PCBP3: variants seen among roughly 807,000 people sequenced by gnomAD.
PCBP3 encodes poly(rC) binding protein 3.
A neutral mutation model predicts 52.7 loss-of-function variants in PCBP3; 25 were observed. The observed-to-expected ratio is 0.47, with a 90% confidence interval of 0.35 to 0.66. The LOEUF is 0.66. PCBP3 is among the 30% of genes least tolerant of loss of function. The pLI is 0.01. For missense variants in PCBP3, 391 were observed against 490.3 expected, an observed-to-expected ratio of 0.80 and a Z score of 1.91; for synonymous variants, 162 against 183.0, an observed-to-expected ratio of 0.89 and a Z score of 0.93.
At chr21:45,689,081 TA>T (rs1415436012) in intron 2 of PCBP3, among the ~76,000 whole-genome samples, 1 of 152,052 alleles carries the variant, frequency 6.6e-6, no homozygotes, top group Non-Finnish European at 1.5e-5. Context: ...TTTATTTAAT[TA>T]GGCCAGCTTT....
At chr21:45,812,682 A>G (rs962001566) in intron 4 of PCBP3, among the ~76,000 whole-genome samples, 7 of 152,186 alleles carry the variant, frequency 4.6e-5, no homozygotes, top group Non-Finnish European at 8.8e-5. Context: ...GTGAGCCACC[A>G]TGCCCGGCTG....
intron 4 of PCBP3, among the ~76,000 whole-genome samples, chr21:45,765,236 G>A (rs1047690325): frequency 6.6e-6 from 1 of 152,180 alleles, no homozygotes; most frequent in African/African-American, 2.4e-5. Flanking sequence ...CCCTCCAGGG[G>A]TGCCAGGATA....
chr21:45,941,020 T>C (rs2077410276), intron 17 of PCBP3, among the ~76,000 whole-genome samples: 1 of 152,172 alleles, frequency 6.6e-6, no homozygotes, highest in African/African-American at 2.4e-5. Flanking sequence ...GTGACCCTTC[T>C]CTTACCTGCA....
At chr21:45,818,361 G>C (rs1280386597) in intron 4 of PCBP3, among the ~76,000 whole-genome samples, 1 of 152,080 alleles carries the variant, frequency 6.6e-6, no homozygotes, top group East Asian at 1.9e-4. Flanking sequence ...TTGCATTGGG[G>C]CTCACTGTGT....
chr21:45,930,825 A>T lies in PCBP3; in HGVS notation c.836A>T (p.Asn279Ile), dbSNP rs771054888. Reference sequence around the variant, plus strand: ...TTACACTCCTCCGAAGAAGCTCAAAATCTGATGGGCCAGTCATCAGGTAAC... The same window carrying T: ...TTACACTCCTCCGAAGAAGCTCAAATTCTGATGGGCCAGTCATCAGGTAAC... ...LPLHSSEEAQ[N>I]LMGQSSGLDA... Residue 279 changes from asparagine to isoleucine, a missense_variant, in exon 15 of 18, where the codon AAT becomes ATT. Physicochemically the swap from Asn to Ile is moderately radical, Grantham distance 149. Coordinates refer to ENST00000681687, the MANE Select transcript of PCBP3 (RefSeq NM_001384156.1). 30 of 1,601,354 alleles carry T rather than the reference A, an allele frequency of 1.9e-5. No homozygotes were observed. Among genetic ancestry groups the T allele is most frequent in the South Asian group, 1.2e-4 (11 of 90,892 alleles).
In PCBP3 at chr21:45,662,271, G is replaced by GTTTTTTTTT. The variant is rs59220095; in HGVS notation, c.-278-6581_-278-6573dup. On this transcript the variant is annotated intron_variant, in intron 1 of 17. Transcript: ENST00000681687. ...TACAGGTATGTGCCAATATACCTAAGTTTTTTTTTTTTTTTTTTTTTTTTT... is the reference window on the plus strand; with the variant it reads ...TACAGGTATGTGCCAATATACCTAAGTTTTTTTTTTTTTTTTTTTTTTTTTTTTTTTTTT... Among the ~76,000 whole-genome samples the GTTTTTTTTT allele has an allele frequency of 5.1e-5, 5 of 97,274 alleles. 1 individual carries two copies. Among genetic ancestry groups the GTTTTTTTTT allele is most frequent in the African/African-American group, 9.4e-5 (2 of 21,274 alleles). 63.8% of individuals were successfully genotyped at this position (97,274 alleles called of 152,430 possible). A position where few individuals can be genotyped will look rare whatever the true frequency, so the allele number is the denominator to read the frequency against.
chr21:45,721,282 G>A (rs1335456747), intron 2 of PCBP3, among the ~76,000 whole-genome samples: 2 of 151,932 alleles, frequency 1.3e-5, no homozygotes, highest in Admixed American at 1.3e-4. Context: ...GCATGGTGGC[G>A]GGTGCCTGTA....
At chr21:45,867,404 G>A (rs1306836304) in intron 5 of PCBP3, among the ~76,000 whole-genome samples, 1 of 152,258 alleles carries the variant, frequency 6.6e-6, no homozygotes, top group Non-Finnish European at 1.5e-5. Flanking sequence ...GTAGTCACCA[G>A]CATACAGGAC....
intron 5 of PCBP3, among the ~76,000 whole-genome samples, chr21:45,867,282 C>G (rs948560902): frequency 6.6e-6 from 1 of 152,226 alleles, no homozygotes; most frequent in Non-Finnish European, 1.5e-5. Flanking sequence ...CAACATCGCT[C>G]GCAGGACAGC....
intron 9 of PCBP3, among the ~76,000 whole-genome samples, chr21:45,907,769 T>C (rs1603484502): frequency 6.6e-6 from 1 of 151,784 alleles, no homozygotes; most frequent in African/African-American, 2.4e-5. Flanking sequence ...GGGATGGGTT[T>C]TTACAGGCAG....
At chr21:45,745,031 C>G (rs1250897569) in intron 3 of PCBP3, among the ~76,000 whole-genome samples, 1 of 152,092 alleles carries the variant, frequency 6.6e-6, no homozygotes, top group African/African-American at 2.4e-5. Context: ...GTAGGCATGT[C>G]ACAGGCTGTC....
chr21:45,884,892 T>C (rs534616112), intron 5 of PCBP3, among the ~76,000 whole-genome samples: 140 of 152,370 alleles, frequency 9.2e-4, no homozygotes, highest in African/African-American at 3.2e-3. Context: ...GCTTTAAATA[T>C]TTCCTAAGCA....
At chr21:45,668,991 G>A (rs895811811) in intron 2 of PCBP3, 39 bp downstream of exon 2, 4 of 152,084 alleles carry the variant, frequency 2.6e-5, no homozygotes, top group African/African-American at 9.7e-5. Flanking sequence ...ATTATCCTTA[G>A]GTTTCTGTGG....
At chr21:45,847,980 C>G (rs1330471271) in intron 4 of PCBP3, among the ~76,000 whole-genome samples, 1 of 152,222 alleles carries the variant, frequency 6.6e-6, no homozygotes, top group East Asian at 1.9e-4. Flanking sequence ...CTGGCAGCTT[C>G]TCTGCGCGTC....
chr21:45,921,365 T>C (rs963790726), intron 13 of PCBP3, among the ~76,000 whole-genome samples: 3 of 152,224 alleles, frequency 2.0e-5, no homozygotes, highest in Non-Finnish European at 4.4e-5. Context: ...TTGACCTGGA[T>C]GTGTGGGCCC....
At chr21:45,700,134 G>C (rs1440560031) in intron 2 of PCBP3, among the ~76,000 whole-genome samples, 1 of 152,190 alleles carries the variant, frequency 6.6e-6, no homozygotes, top group Non-Finnish European at 1.5e-5. Flanking sequence ...GGGAGGCTCT[G>C]CAATAGCAGG....
chr21:45,877,016 G>A (rs935630724), intron 5 of PCBP3, among the ~76,000 whole-genome samples: 2 of 152,238 alleles, frequency 1.3e-5, no homozygotes, highest in African/African-American at 4.8e-5. Flanking sequence ...CTGTGTGACC[G>A]CCCTTCTACA....
chr21:45,898,530 CCCCTCTACACACTGTCCTCCCAGCCT>C (rs879366174), intron 6 of PCBP3, among the ~76,000 whole-genome samples: 13,815 of 127,002 alleles, frequency 0.11, 183 homozygotes, highest in East Asian at 0.23. Flanking sequence ...CCTCCACGGA[CCCCTCTACACACTGTCCTCCCAGCCT>C]CCCTCTACAC....
chr21:45,755,101 C>CCA (rs1468211338), intron 3 of PCBP3, among the ~76,000 whole-genome samples: 1 of 152,100 alleles, frequency 6.6e-6, no homozygotes, highest in Non-Finnish European at 1.5e-5. Flanking sequence ...AATATTTTCA[C>CCA]CAGCTCAAAG....
Sources: gnomAD v4.1 joint callset for allele counts (sites outside exome capture counted in the v4.1 genomes callset) on GRCh38, gnomAD v4.1.1 for gene constraint, MANE v1.5 for transcripts, NCBI Gene and HGNC (gene_info 2026-07-23, HGNC 2026-07-21) for gene names.